CTR9: variants seen among roughly 807,000 people sequenced by gnomAD.
CTR9 encodes CTR9 component of Paf1/RNA polymerase II complex.
CTR9 carries 41 observed loss-of-function variants against 152.1 expected under a neutral mutation model. The ratio of observed to expected loss-of-function variants is 0.27; its 90% CI spans 0.21 to 0.35. The LOEUF is 0.35. Among genes scored for constraint, CTR9 ranks in the 10% least tolerant of loss-of-function variants. CTR9 has a pLI of 1.00. For missense variants in CTR9, 917 were observed against 1,424.4 expected (o/e 0.64, Z 5.73); for synonymous variants, 476 against 496.2 (o/e 0.96, Z 0.54).
Position 10,768,762 on chromosome 11 carries a change from A to G in CTR9, c.2109+271A>G, listed in dbSNP as rs991267115. On this transcript the variant is annotated intron_variant, in intron 16 of 24. Coordinates refer to ENST00000361367, the MANE Select transcript of CTR9 (RefSeq NM_014633.5). ...ATAAAATGGAGATAATTGTACCTTA[A>G]CTTCATAGAATTTTGTGAGGATCCC... is the stretch of plus-strand genomic sequence containing the variant. Among the ~76,000 whole-genome samples, 6 of 152,210 alleles carry G rather than the reference A, an allele frequency of 3.9e-5. No homozygotes were observed. In the East Asian group the frequency reaches 9.6e-4, roughly 24 times the overall value.
rs147763606 is a variant in CTR9 at position 10,778,542 on chromosome 11, A to G, written c.3096-137A>G. 119 of 748,656 alleles carry G rather than the reference A, an allele frequency of 1.6e-4. 1 individual carries two copies. In the East Asian group the frequency reaches 3.1e-3, roughly 20 times the overall value. The allele number at this position is 748,656 out of a possible 1,614,324, so 46.4% of individuals were successfully genotyped here. A position where few individuals can be genotyped will look rare whatever the true frequency, so the allele number is the denominator to read the frequency against. On this transcript the variant is annotated intron_variant, in intron 24 of 24. Coordinates refer to ENST00000361367, the MANE Select transcript of CTR9 (RefSeq NM_014633.5). ...TAGTACACAAAACAAGTATCACAGA[A>G]TGATACCTGTGTAACCACTATTTAG...
chr11:10,771,466 CA>C, intron 18 of CTR9, 78 bp from the exon 19 acceptor site: 1 of 1,046,738 alleles, frequency 9.6e-7, no homozygotes, highest in East Asian at 2.4e-5. Context: ...GACTTTGTAG[CA>C]CAGATTAAAT....
At chr11:10,776,971 G>GAAAAAAAAAAAAAAAAAAAAAA (rs11326865) in intron 24 of CTR9, among the ~76,000 whole-genome samples, 2 of 63,236 alleles carry the variant, frequency 3.2e-5, no homozygotes, top group East Asian at 6.3e-4. Flanking sequence ...AGACTCTTGT[G>GAAAAAAAAAAAAAAAAAAAAAA]AAAAAAAAAA....
At position 10,752,656 on chromosome 11, in the gene CTR9, A is replaced by G; in HGVS notation, c.46-16A>G. On this transcript the variant is annotated splice_polypyrimidine_tract_variant and intron_variant, in intron 1 of 24. Coordinates refer to ENST00000361367, the MANE Select transcript of CTR9 (RefSeq NM_014633.5). ...TAAAGTGGAATAAGAGTTAAGACCTACCTTTTGTATTTTAGGTCATTGAAC... is the reference window on the plus strand; with the variant it reads ...TAAAGTGGAATAAGAGTTAAGACCTGCCTTTTGTATTTTAGGTCATTGAAC... 6.3e-7 allele frequency: 1 copy of G among 1,580,912 alleles called. No homozygotes were observed. The highest frequency in any genetic ancestry group is 1.7e-4 in the Middle Eastern group (1 of 6,012).
chr11:10,768,898 T>C (rs766346139), intron 16 of CTR9, among the ~76,000 whole-genome samples: 4 of 152,178 alleles, frequency 2.6e-5, no homozygotes, highest in Non-Finnish European at 5.9e-5. Context: ...CTGTGAGTTT[T>C]AGAAAGGTTA....
rs2135390133 is a variant in CTR9, at chr11:10,779,370, G to A, written c.*265G>A. ...AACTGCAGTAAAAATAAACCCAGAT[G>A]CTAAATCATTCCTACAAAGGTTTGA... On this transcript the variant is annotated 3_prime_UTR_variant, in exon 25 of 25. Transcript: ENST00000361367. 1 of 369,326 alleles carries A rather than the reference G, an allele frequency of 2.7e-6. No homozygotes were observed. Among genetic ancestry groups the A allele is most frequent in the South Asian group, 3.9e-5 (1 of 25,390 alleles). The allele number at this position is 369,326 out of a possible 1,614,324, so 22.9% of individuals were successfully genotyped here.
intron 20 of CTR9, 126 bp downstream of exon 20, chr11:10,772,781 A>AGGAT (rs1307581906): frequency 9.9e-7 from 1 of 1,008,188 alleles, no homozygotes; most frequent in African/African-American, 1.7e-5. Flanking sequence ...ACACTTTGGG[A>AGGAT]GGATGAGGTG....
intron 24 of CTR9, among the ~76,000 whole-genome samples, chr11:10,776,699 G>T (rs149513219): frequency 1.6e-4 from 24 of 152,228 alleles, no homozygotes; most frequent in African/African-American, 5.3e-4. Flanking sequence ...TAGGCTGGGC[G>T]CAGTGGCTCA....
intron 5 of CTR9, among the ~76,000 whole-genome samples, chr11:10,758,227 C>T (rs563602869): frequency 2.0e-5 from 3 of 152,200 alleles, no homozygotes; most frequent in South Asian, 2.1e-4. Context: ...AGCAGAGTGA[C>T]GTGATCTGAC....
chr11:10,758,862 T>C (rs769515830), intron 5 of CTR9, among the ~76,000 whole-genome samples: 2 of 152,240 alleles, frequency 1.3e-5, no homozygotes, highest in African/African-American at 2.4e-5. Flanking sequence ...TTTAGAATGT[T>C]ACAATCCTAC....
intron 12 of CTR9, among the ~76,000 whole-genome samples, chr11:10,766,137 T>C (rs1255913629): frequency 6.6e-6 from 1 of 152,154 alleles, no homozygotes; most frequent in Non-Finnish European, 1.5e-5. Flanking sequence ...ATAACTTAGC[T>C]TGAGATAAGG....
rs769131585 is a variant in CTR9, at chr11:10,768,212, T to C, written c.1960+51T>C. 9 of 1,580,180 alleles carry C rather than the reference T, an allele frequency of 5.7e-6. No individual in the cohort carries two copies. In the African/African-American group the frequency reaches 8.1e-5, roughly 14 times the overall value. Reference sequence around the variant, plus strand: ...AACAATTTGTTTCAAATGAATACTTTCAGAGGAATGTTTGTAAATCAGAAT... The same window carrying C: ...AACAATTTGTTTCAAATGAATACTTCCAGAGGAATGTTTGTAAATCAGAAT... On this transcript the variant is annotated intron_variant, in intron 15 of 24. Transcript: ENST00000361367.
chr11:10,766,236 T>G (rs1007719519), intron 12 of CTR9, 166 bp from the exon 13 acceptor site: 1 of 605,912 alleles, frequency 1.7e-6, no homozygotes, highest in African/African-American at 1.9e-5. Context: ...ACAAAATTAT[T>G]CTTTAACTTG....
At chr11:10,771,514 T>A in intron 18 of CTR9, 31 bp from the exon 19 acceptor site, 2 of 1,437,082 alleles carry the variant, frequency 1.4e-6, no homozygotes, top group Non-Finnish European at 2.0e-6. Context: ...TCTCTTTTTT[T>A]AAAAGTGAAG....
intron 24 of CTR9, among the ~76,000 whole-genome samples, chr11:10,776,992 A>AT (rs1479459143): frequency 6.6e-6 from 1 of 151,592 alleles, no homozygotes; most frequent in East Asian, 1.9e-4. Flanking sequence ...AAAAAAAAAA[A>AT]AAAAGCTCAC....
In CTR9 at chr11:10,761,998, G is replaced by A; in HGVS notation, c.793G>A (p.Asp265Asn). The change falls in exon 7 of 25, where the codon GAT becomes AAT. Residue 265 changes from aspartate (D) to asparagine (N), a missense_variant. Coordinates refer to ENST00000361367, the MANE Select transcript of CTR9 (RefSeq NM_014633.5). ...GCTTCTTTCCAGAGCCTATACTATT[G>A]ATCCTAGCAACCCTATGGTATTGAA... Reference protein sequence around the residue: ...VQLLSRAYTIDPSNPMVLNHL... With the variant: ...VQLLSRAYTINPSNPMVLNHL... The A allele has an allele frequency of 1.2e-6, 2 of 1,611,344 alleles. No homozygotes were observed. The highest frequency in any genetic ancestry group is 1.7e-6 in the Non-Finnish European group (2 of 1,178,966).
At chr11:10,760,661 G>T (rs896979188) in intron 6 of CTR9, among the ~76,000 whole-genome samples, 6 of 151,616 alleles carry the variant, frequency 4.0e-5, no homozygotes, top group African/African-American at 1.5e-4. Context: ...CTCAGATAAG[G>T]GGTCGTAGAC....
At position 10,768,134 on chromosome 11, in the gene CTR9, A is replaced by G; in HGVS notation, c.1933A>G (p.Lys645Glu). The G allele has an allele frequency of 1.2e-6, 2 of 1,614,034 alleles. No homozygotes were observed. Among genetic ancestry groups the G allele is most frequent in the Non-Finnish European group, 8.5e-7 (1 of 1,179,982 alleles). Residue 645 changes from lysine to glutamate, a missense_variant, in exon 15 of 25, where the codon AAG becomes GAG. Transcript: ENST00000361367. ...IYKQVLRNDAKNLYAANGIGA... is the reference protein window; with the variant it reads ...IYKQVLRNDAENLYAANGIGA... ...CAAACAAGTACTCAGAAATGATGCA[A>G]AGAATCTGTATGCTGCCAATGGCAT...
intron 7 of CTR9, among the ~76,000 whole-genome samples, chr11:10,762,769 C>T (rs1218140868): frequency 2.0e-5 from 3 of 151,888 alleles, no homozygotes; most frequent in Non-Finnish European, 2.9e-5. Flanking sequence ...TTTGAGGGGC[C>T]TAGGTGGGAG....
Sources: allele counts gnomAD v4.1 joint callset (sites outside exome capture counted in the v4.1 genomes callset), GRCh38; gene constraint gnomAD v4.1.1; transcripts MANE v1.5; gene names NCBI Gene and HGNC (gene_info 2026-07-23, HGNC 2026-07-21).